Variants in IFNAR1 observed in about 807,000 individuals in gnomAD.
The protein encoded by IFNAR1 is interferon alpha and beta receptor subunit 1, also known as interferon alpha/beta receptor 1.
In IFNAR1, 47 loss-of-function variants were observed where a neutral mutation model predicts 62.1. The ratio of observed to expected loss-of-function variants is 0.76; its 90% CI spans 0.60 to 0.97. The LOEUF is 0.97. IFNAR1 is among the 50% of genes least tolerant of loss of function. The probability of loss-of-function intolerance (pLI) is 0.00; values close to 1 mark genes in which losing one functional copy is unlikely to be tolerated. For missense variants in IFNAR1, 638 were observed against 654.5 expected (o/e 0.97, Z 0.27); for synonymous variants, 219 against 226.9 (o/e 0.97, Z 0.31).
At position 33,345,319 on chromosome 21, in the gene IFNAR1, T is replaced by G; in HGVS notation, c.747T>G (p.Asp249Glu). ...VQNQNYVLKW[D>E]YTYANMTFQV... is the part of the protein sequence containing the mutation. ...ATCAGAACTATGTTCTTAAATGGGATTATACATATGCAAACATGACCTTTC... is the reference window on the plus strand; with the variant it reads ...ATCAGAACTATGTTCTTAAATGGGAGTATACATATGCAAACATGACCTTTC... Residue 249 changes from aspartate (D) to glutamate (E), a missense_variant, in exon 6 of 11, where the codon GAT becomes GAG. By Grantham distance (45) the Asp-to-Glu change is conservative (BLOSUM62 2). Coordinates refer to ENST00000270139, the MANE Select transcript of IFNAR1 (RefSeq NM_000629.3). The G allele has an allele frequency of 6.2e-7, 1 of 1,605,044 alleles. No homozygotes were observed. The highest frequency in any genetic ancestry group is 8.5e-7 in the Non-Finnish European group (1 of 1,172,124).
rs2083473760 is a variant in IFNAR1 at position 33,358,841 on chromosome 21, T to TA, written c.*3292_*3293insA. 1.3e-5 allele frequency: 2 copies of TA among 150,104 alleles called. No individual in the cohort carries two copies. Among genetic ancestry groups the TA allele is most frequent in the African/African-American group, 4.9e-5 (2 of 40,664 alleles). 9.3% of individuals were successfully genotyped at this position (150,104 alleles called of 1,614,324 possible). A position where few individuals can be genotyped will look rare whatever the true frequency, so the allele number is the denominator to read the frequency against. ...TAACATGGCCAGACCCCATCTCTAT[T>TA]TATATATATATATATAAAACTTAGA... On this transcript the variant is annotated 3_prime_UTR_variant, in exon 11 of 11. Coordinates refer to ENST00000270139, the MANE Select transcript of IFNAR1 (RefSeq NM_000629.3).
intron 1 of IFNAR1, among the ~76,000 whole-genome samples, chr21:33,333,655 G>T (rs1387590893): frequency 8.9e-6 from 1 of 112,106 alleles, no homozygotes; most frequent in African/African-American, 4.2e-5. Flanking sequence ...ACGGAGTCTC[G>T]CTCTGTTGCC....
At chr21:33,352,261 T>C (rs1269345089) in intron 8 of IFNAR1, among the ~76,000 whole-genome samples, 3 of 152,134 alleles carry the variant, frequency 2.0e-5, no homozygotes, top group African/African-American at 4.8e-5. Context: ...ATCATATGCT[T>C]TTTTGGCAGC....
chr21:33,354,496 G>A (rs1202403535), intron 10 of IFNAR1, among the ~76,000 whole-genome samples: 7 of 152,204 alleles, frequency 4.6e-5, no homozygotes, highest in Admixed American at 6.5e-5. Context: ...TTCTATCAGC[G>A]TAGAAAGTAT....
Position 33,352,844 on chromosome 21 carries a change from C to T in IFNAR1, c.1230C>T (p.Thr410=). Residue 410 remains threonine, a synonymous_variant, in exon 9 of 11, where the codon ACC becomes ACT. Transcript: ENST00000270139. ...TVYCVKARAH[T]MDEKLNKSSV... ...ATTGTGTGAAAGCCAGAGCACACACCATGGATGAAAAGCTGAATAAAAGCA... is the reference window on the plus strand; with the variant it reads ...ATTGTGTGAAAGCCAGAGCACACACTATGGATGAAAAGCTGAATAAAAGCA... 1 of 1,604,978 alleles carries T rather than the reference C, an allele frequency of 6.2e-7. No homozygotes were observed. Among genetic ancestry groups the T allele is most frequent in the East Asian group, 2.2e-5 (1 of 44,780 alleles).
At chr21:33,344,769 T>C (rs998994474) in intron 5 of IFNAR1, among the ~76,000 whole-genome samples, 5 of 114,708 alleles carry the variant, frequency 4.4e-5, no homozygotes, top group African/African-American at 1.3e-4. Flanking sequence ...TTTTTACTTA[T>C]TTATTTATTT....
intron 3 of IFNAR1, among the ~76,000 whole-genome samples, chr21:33,342,458 C>G (rs561600636): frequency 3.3e-5 from 5 of 151,940 alleles, no homozygotes; most frequent in Non-Finnish European, 7.4e-5. Context: ...AACCACTGCC[C>G]TGTACCAAGA....
chr21:33,353,626 A>G lies in IFNAR1; in HGVS notation c.1295-12A>G. The G allele has an allele frequency of 6.8e-7, 1 of 1,481,030 alleles. No individual in the cohort carries two copies. Among genetic ancestry groups the G allele is most frequent in the Non-Finnish European group, 9.2e-7 (1 of 1,085,096 alleles). 91.7% of individuals were successfully genotyped at this position (1,481,030 alleles called of 1,614,324 possible). A position where few individuals can be genotyped will look rare whatever the true frequency, so the allele number is the denominator to read the frequency against. ...TCAAAATATATGCTAAATATCACGT[A>G]TATCTTTTTAGGAAATACCTCTAAA... is the stretch of plus-strand genomic sequence containing the variant. On this transcript the variant is annotated splice_polypyrimidine_tract_variant and intron_variant, in intron 9 of 10. Coordinates refer to ENST00000270139, the MANE Select transcript of IFNAR1 (RefSeq NM_000629.3).
chr21:33,350,776 C>T (rs1421286961), intron 8 of IFNAR1, among the ~76,000 whole-genome samples: 2 of 152,142 alleles, frequency 1.3e-5, no homozygotes, highest in Admixed American at 1.3e-4. Context: ...ACCCTGTAAC[C>T]ATAGCTTAAT....
rs374168167 is a variant in IFNAR1, at chr21:33,335,517, T to G, written c.77-7T>G. The stretch of plus-strand genomic sequence containing the variant: ...TATAATGTTCTTATTTCTTGTTGCT[T>G]TTATAGGTGGAAAAAATCTAAAATC... On this transcript the variant is annotated splice_region_variant and splice_polypyrimidine_tract_variant and intron_variant, in intron 1 of 10. Coordinates refer to ENST00000270139, the MANE Select transcript of IFNAR1 (RefSeq NM_000629.3). The G allele has an allele frequency of 1.9e-6, 3 of 1,558,122 alleles. No homozygotes were observed. The highest frequency in any genetic ancestry group is 2.6e-6 in the Non-Finnish European group (3 of 1,135,892).
rs1048842766 is a variant in IFNAR1 at position 33,336,815 on chromosome 21, A to G, written c.200+1168A>G. Among the ~76,000 whole-genome samples the G allele has an allele frequency of 6.2e-5, 9 of 146,272 alleles. No homozygotes were observed. In the Admixed American group the frequency reaches 6.3e-4, roughly 10 times the overall value. Reference sequence around the variant, plus strand: ...AACCAGGCTGGAGTGCAGTGGCACAATCTTGGCTCACTGCAACCTCCACTT... The same window carrying G: ...AACCAGGCTGGAGTGCAGTGGCACAGTCTTGGCTCACTGCAACCTCCACTT... On this transcript the variant is annotated intron_variant, in intron 2 of 10. Transcript: ENST00000270139.
chr21:33,341,738 A>G (rs2083294322), intron 3 of IFNAR1, among the ~76,000 whole-genome samples: 1 of 151,848 alleles, frequency 6.6e-6, no homozygotes, highest in Non-Finnish European at 1.5e-5. Context: ...CTGGAGTGCA[A>G]TGGCACAATC....
intron 8 of IFNAR1, among the ~76,000 whole-genome samples, chr21:33,351,373 G>A (rs1296713227): frequency 2.0e-5 from 3 of 152,104 alleles, no homozygotes; most frequent in Non-Finnish European, 4.4e-5. Flanking sequence ...ATTCCACATA[G>A]TCTCTGGTCC....
At chr21:33,335,830 G>A (rs1477834149) in intron 2 of IFNAR1, among the ~76,000 whole-genome samples, 183 bp downstream of exon 2, 1 of 151,466 alleles carries the variant, frequency 6.6e-6, no homozygotes, top group Non-Finnish European at 1.5e-5. Flanking sequence ...ATCTTTGGGT[G>A]TTGAAGCAAA....
intron 8 of IFNAR1, 147 bp from the exon 9 acceptor site, chr21:33,352,609 AAC>A: frequency 2.2e-6 from 1 of 461,160 alleles, no homozygotes; most frequent in Non-Finnish European, 3.8e-6. Flanking sequence ...TCACAAAAAA[AAC>A]AAAACAAAAC....
At chr21:33,347,702 T>C (rs1288755857) in intron 6 of IFNAR1, among the ~76,000 whole-genome samples, 2 of 152,196 alleles carry the variant, frequency 1.3e-5, no homozygotes, top group African/African-American at 2.4e-5. Context: ...AACCTAATTA[T>C]GAGAGGAGGG....
chr21:33,350,338 G>A (rs977934599), intron 8 of IFNAR1, among the ~76,000 whole-genome samples: 3 of 151,644 alleles, frequency 2.0e-5, no homozygotes, highest in African/African-American at 7.3e-5. Context: ...ACAAAAATTG[G>A]TTCTTATGGG....
intron 9 of IFNAR1, among the ~76,000 whole-genome samples, 191 bp downstream of exon 9, chr21:33,353,099 TC>T (rs1333831395): frequency 6.6e-6 from 1 of 152,234 alleles, no homozygotes; most frequent in Non-Finnish European, 1.5e-5. Flanking sequence ...AACTCTCAAG[TC>T]GGTGTTGTTG....
intron 1 of IFNAR1, chr21:33,334,704 T>C: frequency 1.2e-6 from 1 of 855,806 alleles, no homozygotes; most frequent in Non-Finnish European, 2.0e-6. Flanking sequence ...AGCTGCCACC[T>C]TCCCTGACCC....
Sources: gnomAD v4.1 joint callset for allele counts (sites outside exome capture counted in the v4.1 genomes callset) on GRCh38, gnomAD v4.1.1 for gene constraint, MANE v1.5 for transcripts, NCBI Gene and HGNC (gene_info 2026-07-23, HGNC 2026-07-21) for gene names.